Variants in HABP2 observed in about 807,000 individuals in gnomAD.
HABP2 encodes the protein factor VII-activating protease.
A neutral mutation model predicts 66.5 loss-of-function variants in HABP2; 65 were observed. That is an observed-to-expected ratio of 0.98 (90% CI 0.80 to 1.20). The LOEUF (loss-of-function observed/expected upper bound fraction) is 1.20, where lower values mean the gene tolerates loss of function less well. Ranked by LOEUF, HABP2 falls within the 50% of genes most tolerant of loss-of-function variation. The probability of loss-of-function intolerance (pLI) is 0.00; values close to 1 mark genes in which losing one functional copy is unlikely to be tolerated. For synonymous variants in HABP2, 263 were observed against 253.9 expected, an observed-to-expected ratio of 1.04 and a Z score of -0.34; for missense variants, 786 against 691.0, an observed-to-expected ratio of 1.14 and a Z score of -1.54.
intron 12 of HABP2, 78 bp downstream of exon 12, chr10:113,586,016 G>A: frequency 7.5e-7 from 1 of 1,333,396 alleles, no homozygotes; most frequent in Admixed American, 1.7e-5. Context: ...TTAGAGCCCT[G>A]GGCTGGGAGC....
At chr10:113,556,855 A>G (rs1399139832) in intron 1 of HABP2, among the ~76,000 whole-genome samples, 1 of 136,808 alleles carries the variant, frequency 7.3e-6, no homozygotes, top group Non-Finnish European at 1.5e-5. Flanking sequence ...TTTTGCACAA[A>G]GCTGGTGTTG....
chr10:113,579,255 G>GAAA (rs71007434), intron 7 of HABP2, among the ~76,000 whole-genome samples: 3 of 133,448 alleles, frequency 2.2e-5, no homozygotes, highest in Non-Finnish European at 4.9e-5. Context: ...CTCAAAAAAA[G>GAAA]AAAAAAAAAA....
At chr10:113,585,444 T>A (rs561229513) in intron 11 of HABP2, among the ~76,000 whole-genome samples, 7 of 152,322 alleles carry the variant, frequency 4.6e-5, no homozygotes. Context: ...ACTTCATCCA[T>A]CCATCCATCC....
At chr10:113,575,151 C>T (rs1845386319) in intron 3 of HABP2, among the ~76,000 whole-genome samples, 1 of 152,142 alleles carries the variant, frequency 6.6e-6, no homozygotes, top group African/African-American at 2.4e-5. Flanking sequence ...AAGGCAGGGC[C>T]AAGATACAGG....
upstream of HABP2, among the ~76,000 whole-genome samples, chr10:113,552,411 G>A (rs537532757): frequency 1.4e-4 from 21 of 152,224 alleles, no homozygotes; most frequent in Non-Finnish European, 7.4e-5. Context: ...AGGAACATAG[G>A]AAACAATTGT....
chr10:113,563,293 C>G (rs1845133984), intron 1 of HABP2, among the ~76,000 whole-genome samples: 1 of 152,176 alleles, frequency 6.6e-6, no homozygotes, highest in Non-Finnish European at 1.5e-5. Flanking sequence ...TGAAAGGAGG[C>G]AAATACTGTG....
At chr10:113,582,463 AT>A (rs1410050609) in intron 9 of HABP2, among the ~76,000 whole-genome samples, 1 of 152,124 alleles carries the variant, frequency 6.6e-6, no homozygotes. Flanking sequence ...CTGAGTAAAT[AT>A]TTGTGGAGGA....
chr10:113,579,684 A>G (rs968577011), intron 7 of HABP2, among the ~76,000 whole-genome samples: 32 of 151,776 alleles, frequency 2.1e-4, no homozygotes, highest in Non-Finnish European at 3.2e-4. Context: ...GGCCAAGGCC[A>G]ATGAGTCAGA....
In HABP2 at chr10:113,588,573, G is replaced by A. The variant is rs1845720582; in HGVS notation, c.*204G>A. The A allele has an allele frequency of 1.8e-6, 1 of 540,638 alleles. No homozygotes were observed. Among genetic ancestry groups the A allele is most frequent in the African/African-American group, 1.9e-5 (1 of 52,960 alleles). The allele number at this position is 540,638 out of a possible 1,614,324, so 33.5% of individuals were successfully genotyped here. A position where few individuals can be genotyped will look rare whatever the true frequency, so the allele number is the denominator to read the frequency against. On this transcript the variant is annotated 3_prime_UTR_variant, in exon 13 of 13. Coordinates refer to ENST00000351270, the MANE Select transcript of HABP2 (RefSeq NM_004132.5). The stretch of plus-strand genomic sequence containing the variant: ...TCACCAGGCTTCTTCTGCCTCCCTT[G>A]GTAACCCAAGGAATGATGGAATCAA...
intron 1 of HABP2, among the ~76,000 whole-genome samples, chr10:113,559,384 T>C (rs1480284079): frequency 6.6e-6 from 1 of 152,206 alleles, no homozygotes; most frequent in African/African-American, 2.4e-5. Context: ...CAAAGTTCCT[T>C]GAATAAAACA....
At chr10:113,582,569 G>A (rs574362439) in intron 9 of HABP2, among the ~76,000 whole-genome samples, 2 of 152,142 alleles carry the variant, frequency 1.3e-5, no homozygotes, top group Non-Finnish European at 2.9e-5. Flanking sequence ...AAGTTAAGTG[G>A]ACAAGTAAGA....
At position 113,589,252 on chromosome 10, in the gene HABP2, G is replaced by T; in HGVS notation, c.*883G>T. 1 of 602,452 alleles carries T rather than the reference G, an allele frequency of 1.7e-6. No individual in the cohort carries two copies. Among genetic ancestry groups the T allele is most frequent in the Non-Finnish European group, 2.9e-6 (1 of 344,374 alleles). The allele number at this position is 602,452 out of a possible 1,614,324, so 37.3% of individuals were successfully genotyped here. A position where few individuals can be genotyped will look rare whatever the true frequency, so the allele number is the denominator to read the frequency against. On this transcript the variant is annotated 3_prime_UTR_variant, in exon 13 of 13. Transcript: ENST00000351270. ...GAAAAAGGGCCTTCAAGGCAGGAAT[G>T]AGAAAGCAAAGCCAATCTCTCATTT...
Position 113,562,696 on chromosome 10 carries a change from C to T in HABP2, c.70-4793C>T, listed in dbSNP as rs11575708. Among the ~76,000 whole-genome samples the T allele has an allele frequency of 2.2e-3, 337 of 152,344 alleles. 3 individuals carry two copies. Among genetic ancestry groups the T allele is most frequent in the African/African-American group, 7.7e-3 (321 of 41,584 alleles). ...CTGGCCTCAAGTGATCTGCCCACCT[C>T]GGCCTCCCAAAGTGTTGGGATTACA... On this transcript the variant is annotated intron_variant, in intron 1 of 12. Transcript: ENST00000351270.
chr10:113,582,598 T>A (rs755015564), intron 9 of HABP2, among the ~76,000 whole-genome samples: 1 of 152,228 alleles, frequency 6.6e-6, no homozygotes, highest in Non-Finnish European at 1.5e-5. Context: ...CCATTCTATC[T>A]GCTTCTTTGA....
chr10:113,567,925 C>T (rs3862017), intron 2 of HABP2, among the ~76,000 whole-genome samples: 52,667 of 152,044 alleles, frequency 0.35, 10,236 homozygotes, highest in East Asian at 0.75. Context: ...CGCTCCACCT[C>T]TTTTTGTGCG....
rs1198695053 is a variant in HABP2, at chr10:113,578,689, A to G, written c.631A>G (p.Asn211Asp). Reference protein sequence around the residue: ...SYRGKMNRTVNQHACLYWNSH... With the variant: ...SYRGKMNRTVDQHACLYWNSH... ...CCGAGGGAAAATGAATAGGACAGTCAACCAGCATGCGTGCCTTTACTGGAA... is the reference window on the plus strand; with the variant it reads ...CCGAGGGAAAATGAATAGGACAGTCGACCAGCATGCGTGCCTTTACTGGAA... Residue 211 changes from asparagine to aspartate, a missense_variant, in exon 7 of 13, where the codon AAC becomes GAC. By Grantham distance (23) the Asn-to-Asp change is conservative. Transcript: ENST00000351270. The G allele has an allele frequency of 9.3e-6, 15 of 1,609,572 alleles. No homozygotes were observed. The highest frequency in any genetic ancestry group is 1.2e-5 in the Non-Finnish European group (14 of 1,175,968).
At chr10:113,571,108 T>G (rs1004501940) in intron 2 of HABP2, among the ~76,000 whole-genome samples, 3 of 152,192 alleles carry the variant, frequency 2.0e-5, no homozygotes, top group African/African-American at 7.2e-5. Flanking sequence ...TACCCCAAAC[T>G]TAGTAGCTTA....
At chr10:113,566,114 A>G (rs1845192813) in intron 1 of HABP2, among the ~76,000 whole-genome samples, 1 of 152,354 alleles carries the variant, frequency 6.6e-6, no homozygotes, top group Non-Finnish European at 1.5e-5. Flanking sequence ...AATATACCAA[A>G]CTGCCTAGCT....
At chr10:113,583,479 G>A (rs1159732089) in intron 10 of HABP2, 121 bp downstream of exon 10, 1 of 799,286 alleles carries the variant, frequency 1.3e-6, no homozygotes, top group Non-Finnish European at 2.1e-6. Flanking sequence ...TGTGGACCCT[G>A]TGCGGTAGGG....
Sources: gnomAD v4.1 joint callset for allele counts (sites outside exome capture counted in the v4.1 genomes callset) on GRCh38, gnomAD v4.1.1 for gene constraint, MANE v1.5 for transcripts, NCBI Gene and HGNC (gene_info 2026-07-23, HGNC 2026-07-21) for gene names.